DMD: variants seen among roughly 807,000 people sequenced by gnomAD.
DMD encodes dystrophin.
In DMD, 63 loss-of-function variants were observed where a neutral mutation model predicts 330.1. The ratio of observed to expected loss-of-function variants is 0.19; its 90% CI spans 0.16 to 0.24. The LOEUF (loss-of-function observed/expected upper bound fraction) is 0.24. Ranked by LOEUF, DMD falls within the 10% of genes least tolerant of loss-of-function variation. The pLI, the probability that DMD is intolerant of heterozygous loss-of-function variation, is 1.00. For missense variants in DMD, 3,344 were observed against 2,684.1 expected (o/e 1.25, Z -5.43); for synonymous variants, 1,223 against 959.8 (o/e 1.27, Z -5.07).
chrX:31,944,113 T>C (rs2095049847), intron 45 of DMD, among the ~76,000 whole-genome samples: 1 of 112,017 alleles, frequency 8.9e-6, no homozygotes, highest in Non-Finnish European at 1.9e-5. Context: ...CAGTATTTCC[T>C]TAAATGTGGT....
intron 12 of DMD, among the ~76,000 whole-genome samples, chrX:32,610,064 C>G (rs994740243): frequency 1.8e-5 from 2 of 111,360 alleles, no homozygotes; most frequent in Non-Finnish European, 3.8e-5. Flanking sequence ...TAGCATCATG[C>G]CACTCCTTCG....
At chrX:31,251,747 G>A (rs1016084546) in intron 63 of DMD, among the ~76,000 whole-genome samples, 1 of 112,115 alleles carries the variant, frequency 8.9e-6, no homozygotes, top group Non-Finnish European at 1.9e-5. Flanking sequence ...AAGAAATATT[G>A]GAAATGTCTG....
intron 62 of DMD, among the ~76,000 whole-genome samples, chrX:31,270,188 G>GTTTTTTTT (rs34927082): frequency 1.0e-5 from 1 of 99,519 alleles, no homozygotes. Context: ...ACCATTCCTT[G>GTTTTTTTT]TTTTTTTTTT....
intron 25 of DMD, 66 bp downstream of exon 25, chrX:32,463,373 G>C (rs986468220): frequency 9.5e-7 from 1 of 1,050,783 alleles, no homozygotes; most frequent in Non-Finnish European, 1.3e-6. Context: ...TAACGGTGAA[G>C]GGAGACATTA....
At chrX:31,894,326 C>T (rs16989921) in intron 47 of DMD, among the ~76,000 whole-genome samples, 2 of 111,855 alleles carry the variant, frequency 1.8e-5, no homozygotes, top group South Asian at 3.7e-4. Context: ...CAATGACCTA[C>T]ACCAAATGGC....
At chrX:31,227,281 G>C (rs2046706014) in intron 63 of DMD, among the ~76,000 whole-genome samples, 1 of 111,392 alleles carries the variant, frequency 9.0e-6, no homozygotes, top group Non-Finnish European at 1.9e-5. Flanking sequence ...GATCCAAGTG[G>C]GAGAGGCAAG....
At chrX:31,937,612 C>G (rs1002805479) in intron 45 of DMD, among the ~76,000 whole-genome samples, 1 of 111,560 alleles carries the variant, frequency 9.0e-6, no homozygotes, top group Non-Finnish European at 1.9e-5. Context: ...TCAAAAGCCT[C>G]GATTTGAAGT....
At chrX:31,240,202 G>GA (rs1054119023) in intron 63 of DMD, among the ~76,000 whole-genome samples, 491 of 105,153 alleles carry the variant, frequency 4.7e-3, no homozygotes, top group Non-Finnish European at 6.8e-3. Context: ...TGCGCTACAG[G>GA]AAAAAAAAAA....
At chrX:33,276,175 T>C (rs2053231428) in intron 1 of DMD, among the ~76,000 whole-genome samples, 1 of 111,980 alleles carries the variant, frequency 8.9e-6, no homozygotes, top group Admixed American at 9.5e-5. Context: ...GTTAAGTTTC[T>C]TTCAAGTTTT....
intron 55 of DMD, among the ~76,000 whole-genome samples, chrX:31,624,950 G>A (rs1470380979): frequency 8.9e-6 from 1 of 111,864 alleles, no homozygotes; most frequent in African/African-American, 3.2e-5. Context: ...TTTCAAGCTC[G>A]GCATTTCCAT....
intron 41 of DMD, among the ~76,000 whole-genome samples, chrX:32,336,153 A>ATC (rs1451128677): frequency 9.2e-6 from 1 of 108,659 alleles, no homozygotes; most frequent in African/African-American, 3.4e-5. Flanking sequence ...ATAACATGTT[A>ATC]TCTGTGTGTG....
intron 52 of DMD, among the ~76,000 whole-genome samples, chrX:31,711,669 C>T (rs1386317568): frequency 3.7e-5 from 4 of 109,165 alleles, no homozygotes; most frequent in African/African-American, 6.7e-5. Context: ...GGATTTCACA[C>T]GTAAAGAAAA....
At chrX:31,600,550 C>T (rs763933919) in intron 55 of DMD, among the ~76,000 whole-genome samples, 8 of 82,630 alleles carry the variant, frequency 9.7e-5, no homozygotes, top group African/African-American at 3.7e-4. Flanking sequence ...CCCTCCAGAT[C>T]CAGATCCATT....
intron 29 of DMD, among the ~76,000 whole-genome samples, chrX:32,425,480 C>T (rs1256365309): frequency 9.0e-6 from 1 of 111,313 alleles, no homozygotes; most frequent in Non-Finnish European, 1.9e-5. Context: ...TACAAACATG[C>T]TTAAATTTTT....
At chrX:31,846,237 T>C (rs1397906207) in intron 48 of DMD, among the ~76,000 whole-genome samples, 2 of 111,421 alleles carry the variant, frequency 1.8e-5, no homozygotes, top group African/African-American at 3.3e-5. Context: ...TAAGGTTTTA[T>C]ATCCAATGTT....
chrX:33,138,434 C>A (rs1487460276), intron 1 of DMD, among the ~76,000 whole-genome samples: 4 of 111,769 alleles, frequency 3.6e-5, no homozygotes, highest in Non-Finnish European at 7.5e-5. Context: ...ATCCCTAATT[C>A]TCAGTGCTTT....
At chrX:31,159,598 C>T (rs2038567096) in intron 74 of DMD, among the ~76,000 whole-genome samples, 2 of 111,323 alleles carry the variant, frequency 1.8e-5, no homozygotes, top group Admixed American at 9.5e-5. Context: ...CTTACACAAA[C>T]TCTCTTCCTA....
At chrX:32,461,033 T>C (rs1376219993) in intron 25 of DMD, among the ~76,000 whole-genome samples, 2 of 111,838 alleles carry the variant, frequency 1.8e-5, no homozygotes, top group Non-Finnish European at 3.8e-5. Context: ...TTTAAAATAA[T>C]AACCATTTTA....
At chrX:31,784,517 C>A (rs1309626449) in intron 50 of DMD, among the ~76,000 whole-genome samples, 1 of 112,033 alleles carries the variant, frequency 8.9e-6, no homozygotes, top group East Asian at 2.8e-4. Context: ...TATAATCCAG[C>A]AATCCCATTT....
Sources: gnomAD v4.1 joint callset for allele counts (sites outside exome capture counted in the v4.1 genomes callset) on GRCh38, gnomAD v4.1.1 for gene constraint, MANE v1.5 for transcripts, NCBI Gene and HGNC (gene_info 2026-07-23, HGNC 2026-07-21) for gene names.